The following PTPRR variants were observed in gnomAD, a reference collection of about 807,000 sequenced individuals.
PTPRR encodes protein tyrosine phosphatase receptor type R.
PTPRR carries 38 observed loss-of-function variants against 77.2 expected under a neutral mutation model. The ratio of observed to expected loss-of-function variants is 0.49; its 90% CI spans 0.38 to 0.65. The LOEUF (loss-of-function observed/expected upper bound fraction) is 0.65. PTPRR is among the 30% of genes least tolerant of loss of function. PTPRR has a pLI of 0.00. For synonymous variants in PTPRR, 299 were observed against 283.1 expected (o/e 1.06, Z -0.57); for missense variants, 744 against 799.2 (o/e 0.93, Z 0.83).
At chr12:70,911,296 G>T (rs889026468) in intron 1 of PTPRR, among the ~76,000 whole-genome samples, 1 of 152,144 alleles carries the variant, frequency 6.6e-6, no homozygotes, top group African/African-American at 2.4e-5. Context: ...CAGTAGAGAA[G>T]AAGGATGGCC....
chr12:70,815,647 A>G (rs1387480075), intron 2 of PTPRR, among the ~76,000 whole-genome samples: 1 of 152,158 alleles, frequency 6.6e-6, no homozygotes, highest in Non-Finnish European at 1.5e-5. Flanking sequence ...GACTTCAAAG[A>G]GAATATAAAA....
At chr12:70,900,791 A>G (rs990822926) in intron 1 of PTPRR, among the ~76,000 whole-genome samples, 5 of 151,676 alleles carry the variant, frequency 3.3e-5, no homozygotes, top group Non-Finnish European at 7.4e-5. Context: ...ATCACTAACC[A>G]TTAGGAAAAT....
intron 2 of PTPRR, among the ~76,000 whole-genome samples, chr12:70,767,554 A>C (rs991494604): frequency 6.6e-6 from 1 of 152,132 alleles, no homozygotes; most frequent in African/African-American, 2.4e-5. Flanking sequence ...AGACTCCTAC[A>C]CAATAATAAT....
chr12:70,915,689 C>A (rs1893765300), intron 1 of PTPRR, among the ~76,000 whole-genome samples: 1 of 152,108 alleles, frequency 6.6e-6, no homozygotes, highest in African/African-American at 2.4e-5. Flanking sequence ...TCCTTTATTG[C>A]CCTTCAGTTC....
chr12:70,787,578 C>T (rs867977942), intron 2 of PTPRR, among the ~76,000 whole-genome samples: 1 of 150,838 alleles, frequency 6.6e-6, no homozygotes. Flanking sequence ...AAAAACTTTC[C>T]TTTCCCTTTA....
intron 2 of PTPRR, among the ~76,000 whole-genome samples, chr12:70,785,139 T>C (rs1193057751): frequency 6.6e-6 from 1 of 152,216 alleles, no homozygotes; most frequent in Non-Finnish European, 1.5e-5. Flanking sequence ...TCTGTGAACA[T>C]GCAACTCAAA....
intron 2 of PTPRR, among the ~76,000 whole-genome samples, chr12:70,818,284 C>T (rs1891942510): frequency 6.7e-6 from 1 of 148,746 alleles, no homozygotes; most frequent in South Asian, 2.2e-4. Context: ...AGGACATACA[C>T]ACACAGATAT....
chr12:70,662,182 A>C (rs1886822519), intron 11 of PTPRR, among the ~76,000 whole-genome samples: 2 of 152,204 alleles, frequency 1.3e-5, no homozygotes, highest in African/African-American at 4.8e-5. Flanking sequence ...ATCATGGTAA[A>C]GTCTCCAGCA....
intron 2 of PTPRR, among the ~76,000 whole-genome samples, chr12:70,863,554 A>G (rs1480122993): frequency 2.0e-5 from 3 of 152,184 alleles, no homozygotes; most frequent in African/African-American, 7.2e-5. Flanking sequence ...CATATTATAA[A>G]TATAAGTATG....
intron 6 of PTPRR, among the ~76,000 whole-genome samples, chr12:70,704,958 T>C (rs1888564353): frequency 6.6e-6 from 1 of 152,064 alleles, no homozygotes; most frequent in African/African-American, 2.4e-5. Context: ...AATAAAAAGC[T>C]TTATCAAGCT....
intron 10 of PTPRR, among the ~76,000 whole-genome samples, chr12:70,667,878 G>A (rs191353662): frequency 2.6e-5 from 4 of 151,922 alleles, no homozygotes; most frequent in Admixed American, 6.6e-5. Context: ...TGGTTTGCTC[G>A]TTTCTTTTCA....
intron 2 of PTPRR, among the ~76,000 whole-genome samples, chr12:70,823,262 T>C (rs984601225): frequency 6.6e-6 from 1 of 151,968 alleles, no homozygotes; most frequent in African/African-American, 2.4e-5. Flanking sequence ...ACAAAAGAGA[T>C]TGATCAAAGA....
chr12:70,747,217 A>C (rs1890240926), intron 5 of PTPRR, among the ~76,000 whole-genome samples: 1 of 152,202 alleles, frequency 6.6e-6, no homozygotes, highest in African/African-American at 2.4e-5. Context: ...GTAAAAACAA[A>C]ACCTGCACTA....
chr12:70,708,922 A>G (rs2136807340), intron 6 of PTPRR, among the ~76,000 whole-genome samples: 1 of 152,094 alleles, frequency 6.6e-6, no homozygotes, highest in South Asian at 2.1e-4. Flanking sequence ...AACCCTTTTA[A>G]TCCTGATCAT....
intron 6 of PTPRR, among the ~76,000 whole-genome samples, chr12:70,711,995 G>A (rs1240378141): frequency 6.6e-5 from 10 of 152,116 alleles, no homozygotes; most frequent in Middle Eastern, 3.4e-3. Flanking sequence ...TGTACCACCC[G>A]CCATGTAATC....
intron 2 of PTPRR, among the ~76,000 whole-genome samples, chr12:70,831,252 G>A (rs1291194867): frequency 6.6e-6 from 1 of 152,144 alleles, no homozygotes; most frequent in East Asian, 1.9e-4. Flanking sequence ...TATTAATTGA[G>A]TATTCATTTT....
intron 8 of PTPRR, among the ~76,000 whole-genome samples, chr12:70,695,608 G>A (rs1001996813): frequency 3.3e-5 from 5 of 152,174 alleles, no homozygotes; most frequent in African/African-American, 1.2e-4. Flanking sequence ...AATGGAGAAG[G>A]CTGAACTTTG....
At chr12:70,721,864 G>A (rs918426315) in intron 6 of PTPRR, among the ~76,000 whole-genome samples, 5 of 152,134 alleles carry the variant, frequency 3.3e-5, no homozygotes, top group African/African-American at 7.2e-5. Flanking sequence ...GGAACTGGCA[G>A]GTCAGTGAGG....
At chr12:70,854,231 C>G (rs1892617157) in intron 2 of PTPRR, among the ~76,000 whole-genome samples, 1 of 152,166 alleles carries the variant, frequency 6.6e-6, no homozygotes, top group African/African-American at 2.4e-5. Flanking sequence ...CATTCAACTT[C>G]TGTGTGTCAC....
Sources: allele counts gnomAD v4.1 joint callset (sites outside exome capture counted in the v4.1 genomes callset), GRCh38; gene constraint gnomAD v4.1.1; transcripts MANE v1.5; gene names NCBI Gene and HGNC (gene_info 2026-07-23, HGNC 2026-07-21).